The following CADM2 variants were observed in gnomAD, a reference collection of about 807,000 sequenced individuals.
CADM2 encodes the protein immunoglobulin superfamily member 4D.
In CADM2, 12 loss-of-function variants were observed where a neutral mutation model predicts 49.8. That is an observed-to-expected ratio of 0.24 (90% confidence interval 0.15 to 0.39). CADM2 has a LOEUF of 0.39. CADM2 is among the 10% of genes least tolerant of loss of function. The pLI is 1.00. For synonymous variants in CADM2, 214 were observed against 175.4 expected, an observed-to-expected ratio of 1.22 and a Z score of -1.74; for missense variants, 378 against 492.3, an observed-to-expected ratio of 0.77 and a Z score of 2.20.
At chr3:85,281,531 C>T (rs1380742183) in intron 1 of CADM2, among the ~76,000 whole-genome samples, 2 of 151,766 alleles carry the variant, frequency 1.3e-5, no homozygotes, top group Admixed American at 1.3e-4. Flanking sequence ...TCAAAGAGTG[C>T]CATTGTGTTA....
chr3:85,347,371 G>A, intron 1 of CADM2, among the ~76,000 whole-genome samples: 1 of 149,592 alleles, frequency 6.7e-6, no homozygotes, highest in East Asian at 2.0e-4. Context: ...GATCACGTAT[G>A]TATAATTTTA....
intron 1 of CADM2, among the ~76,000 whole-genome samples, chr3:85,150,402 T>C (rs1196084459): frequency 6.6e-6 from 1 of 152,220 alleles, no homozygotes; most frequent in Non-Finnish European, 1.5e-5. Flanking sequence ...AAAATACATT[T>C]AAAATTTATG....
intron 1 of CADM2, among the ~76,000 whole-genome samples, chr3:85,212,627 T>A (rs566859778): frequency 6.6e-6 from 1 of 152,160 alleles, no homozygotes; most frequent in African/African-American, 2.4e-5. Flanking sequence ...GTTGCATCTA[T>A]TTATATGTTA....
intron 1 of CADM2, among the ~76,000 whole-genome samples, chr3:85,653,866 A>G (rs952203621): frequency 1.3e-5 from 2 of 152,242 alleles, no homozygotes; most frequent in Admixed American, 1.3e-4. Flanking sequence ...TTGTTGACAG[A>G]GATAAAAGGG....
intron 1 of CADM2, among the ~76,000 whole-genome samples, chr3:85,616,983 C>T (rs766396893): frequency 6.6e-6 from 1 of 152,104 alleles, no homozygotes; most frequent in Non-Finnish European, 1.5e-5. Context: ...GGTGAAAACA[C>T]ACTCAATGTG....
intron 1 of CADM2, among the ~76,000 whole-genome samples, chr3:85,623,145 C>T (rs1455354715): frequency 6.6e-6 from 1 of 152,120 alleles, no homozygotes; most frequent in Admixed American, 6.6e-5. Context: ...GACAAAATGT[C>T]ACTTAACACC....
At chr3:85,842,306 TG>T (rs2074673988) in intron 3 of CADM2, among the ~76,000 whole-genome samples, 1 of 152,110 alleles carries the variant, frequency 6.6e-6, no homozygotes, top group Admixed American at 6.6e-5. Flanking sequence ...TGGCAGCCTC[TG>T]GAGATGAGGA....
At chr3:85,876,755 G>A (rs1711905272) in intron 3 of CADM2, among the ~76,000 whole-genome samples, 1 of 152,060 alleles carries the variant, frequency 6.6e-6, no homozygotes, top group Non-Finnish European at 1.5e-5. Context: ...ATTGCTAGCA[G>A]GTTCTTGAAT....
intron 8 of CADM2, among the ~76,000 whole-genome samples, chr3:86,009,474 C>A (rs1731225070): frequency 1.3e-5 from 2 of 151,416 alleles, no homozygotes; most frequent in Non-Finnish European, 3.0e-5. Flanking sequence ...TGCCAGCACC[C>A]TCTACTTCAG....
chr3:85,559,009 G>A (rs2062026077), intron 1 of CADM2, among the ~76,000 whole-genome samples: 1 of 152,050 alleles, frequency 6.6e-6, no homozygotes, highest in African/African-American at 2.4e-5. Context: ...ATGAGAGTTA[G>A]ATTGAATTAT....
intron 1 of CADM2, among the ~76,000 whole-genome samples, chr3:85,652,835 T>TGACACGA (rs1390568241): frequency 7.8e-6 from 1 of 128,572 alleles, no homozygotes; most frequent in Non-Finnish European, 1.6e-5. Flanking sequence ...TGGAGTGCAA[T>TGACACGA]GACATGATCT....
chr3:85,051,586 G>A (rs1315776954), intron 1 of CADM2, among the ~76,000 whole-genome samples: 1 of 152,030 alleles, frequency 6.6e-6, no homozygotes, highest in Non-Finnish European at 1.5e-5. Flanking sequence ...ACTAATGGTG[G>A]CATCACTACC....
chr3:85,091,477 C>A lies in CADM2; in HGVS notation c.61+131809C>A, dbSNP rs148851539. ...TGTAGAAAACATTTCAAATATGAAG[C>A]ACTATTATGAAGATAAAAATAGTTT... On this transcript the variant is annotated intron_variant, in intron 1 of 9. Coordinates refer to ENST00000383699, the MANE Select transcript of CADM2 (RefSeq NM_001167675.2). Among the ~76,000 whole-genome samples the A allele has an allele frequency of 9.4e-3, 1,430 of 152,050 alleles. 22 individuals are homozygous for A. The highest frequency in any genetic ancestry group is 0.016 in the Non-Finnish European group (1,066 of 67,956).
At chr3:85,658,217 A>G (rs1055347844) in intron 1 of CADM2, among the ~76,000 whole-genome samples, 2 of 152,068 alleles carry the variant, frequency 1.3e-5, no homozygotes, top group South Asian at 4.1e-4. Flanking sequence ...GGAAATTTGG[A>G]CACAAAGACA....
chr3:85,892,214 T>A (rs1714537872), intron 5 of CADM2, among the ~76,000 whole-genome samples: 1 of 152,204 alleles, frequency 6.6e-6, no homozygotes, highest in South Asian at 2.1e-4. Context: ...AAAGAGAAGA[T>A]AACTTTCAAG....
chr3:85,562,542 A>G (rs1576809431), intron 1 of CADM2, among the ~76,000 whole-genome samples: 2 of 151,104 alleles, frequency 1.3e-5, no homozygotes, highest in South Asian at 4.2e-4. Flanking sequence ...TGAAGTATTT[A>G]GCATAATTCT....
rs17024896 is a variant in CADM2, at chr3:86,070,837, T to A, written c.*4054T>A. 3 of 151,876 alleles carry A rather than the reference T, an allele frequency of 2.0e-5. No individual in the cohort carries two copies. The highest frequency in any genetic ancestry group is 4.8e-5 in the African/African-American group (2 of 41,422). 9.4% of individuals were successfully genotyped at this position (151,876 alleles called of 1,614,324 possible). On this transcript the variant is annotated 3_prime_UTR_variant, in exon 10 of 10. Coordinates refer to ENST00000383699, the MANE Select transcript of CADM2 (RefSeq NM_001167675.2). Reference sequence around the variant, plus strand: ...ATGTAATTATAATATGCATTTTGAATATTGGGAAAGAGGAAATCTTAGTGT... The same window carrying A: ...ATGTAATTATAATATGCATTTTGAAAATTGGGAAAGAGGAAATCTTAGTGT...
intron 3 of CADM2, among the ~76,000 whole-genome samples, chr3:85,809,131 G>A (rs1450945045): frequency 6.6e-6 from 1 of 152,124 alleles, no homozygotes; most frequent in Non-Finnish European, 1.5e-5. Context: ...AATAATGATA[G>A]CTTATAGTTA....
intron 1 of CADM2, among the ~76,000 whole-genome samples, chr3:85,402,790 A>G (rs2035178863): frequency 6.6e-6 from 1 of 152,162 alleles, no homozygotes; most frequent in Non-Finnish European, 1.5e-5. Flanking sequence ...TCTTTTTGTC[A>G]CCATGAATTT....
Sources: gnomAD v4.1 joint callset for allele counts (sites outside exome capture counted in the v4.1 genomes callset) on GRCh38, gnomAD v4.1.1 for gene constraint, MANE v1.5 for transcripts, NCBI Gene and HGNC (gene_info 2026-07-23, HGNC 2026-07-21) for gene names.